The following RUNDC3B variants were observed in gnomAD, a reference collection of about 807,000 sequenced individuals.
The protein encoded by RUNDC3B is RUN domain containing 3B.
RUNDC3B carries 33 observed loss-of-function variants against 58.4 expected under a neutral mutation model. The observed-to-expected ratio is 0.56, with a 90% CI of 0.43 to 0.75. The LOEUF is 0.75. RUNDC3B is among the 30% of genes least tolerant of loss of function. The pLI is 0.00. For synonymous variants in RUNDC3B, 193 were observed against 195.2 expected (o/e 0.99, Z 0.10); for missense variants, 501 against 535.7 (o/e 0.94, Z 0.64).
rs542605231 is a variant in RUNDC3B, at chr7:87,679,453, A to G, written c.239-20968A>G. ...ACCCAGGTTGGAGTGCAATGGCACA[A>G]TCATGGCTCACCACAGCCTCCACAT... On this transcript the variant is annotated intron_variant, in intron 2 of 10. Coordinates refer to ENST00000394654, the MANE Select transcript of RUNDC3B (RefSeq NM_001134405.2). 2.0e-5 allele frequency among the ~76,000 whole-genome samples: 3 copies of G among 149,850 alleles called. 1 individual carries two copies. The highest frequency in any genetic ancestry group is 7.5e-5 in the African/African-American group (3 of 40,256).
intron 8 of RUNDC3B, among the ~76,000 whole-genome samples, chr7:87,802,671 CATAAAT>C (rs768556704): frequency 5.3e-5 from 8 of 152,164 alleles, no homozygotes; most frequent in Non-Finnish European, 2.9e-5. Flanking sequence ...TCATGTAACT[CATAAAT>C]ATACACACCT....
chr7:87,734,927 A>G (rs964977391), intron 4 of RUNDC3B, among the ~76,000 whole-genome samples: 1 of 152,078 alleles, frequency 6.6e-6, no homozygotes, highest in African/African-American at 2.4e-5. Flanking sequence ...TCCACTTAAC[A>G]TCTGACTGTT....
chr7:87,698,894 T>C (rs1024206691), intron 2 of RUNDC3B, among the ~76,000 whole-genome samples: 5 of 152,198 alleles, frequency 3.3e-5, no homozygotes, highest in African/African-American at 1.2e-4. Flanking sequence ...GAATAATGAA[T>C]AGAAGTTACC....
At chr7:87,745,563 T>G (rs1239700891) in intron 6 of RUNDC3B, among the ~76,000 whole-genome samples, 1 of 152,194 alleles carries the variant, frequency 6.6e-6, no homozygotes, top group Non-Finnish European at 1.5e-5. Context: ...TTCCATGAAT[T>G]TATCCATCTC....
intron 4 of RUNDC3B, among the ~76,000 whole-genome samples, chr7:87,712,938 T>C (rs749510009): frequency 1.3e-5 from 2 of 152,100 alleles, no homozygotes; most frequent in Non-Finnish European, 2.9e-5. Context: ...AGGAAGTAAG[T>C]AGGGAGTTAT....
chr7:87,757,969 A>G (rs769092838), intron 6 of RUNDC3B, among the ~76,000 whole-genome samples: 1 of 152,200 alleles, frequency 6.6e-6, no homozygotes, highest in Non-Finnish European at 1.5e-5. Flanking sequence ...GGATGAAAGT[A>G]GACCTCAATC....
At position 87,705,245 on chromosome 7, in the gene RUNDC3B, C is replaced by A. The variant is rs181010336; in HGVS notation, c.372+4691C>A. 4.6e-5 allele frequency among the ~76,000 whole-genome samples: 7 copies of A among 152,176 alleles called. No homozygotes were observed. The East Asian group carries it at 9.7e-4, about 21-fold the overall frequency. On this transcript the variant is annotated intron_variant, in intron 3 of 10. Coordinates refer to ENST00000394654, the MANE Select transcript of RUNDC3B (RefSeq NM_001134405.2). The stretch of plus-strand genomic sequence containing the variant: ...TTCCAGACTAGCCTGGCTAACATGG[C>A]AAAACCCTGTCTCTACTTAAAATAT...
intron 6 of RUNDC3B, among the ~76,000 whole-genome samples, chr7:87,770,212 C>T (rs1244503206): frequency 1.3e-5 from 2 of 152,090 alleles, no homozygotes; most frequent in African/African-American, 4.8e-5. Flanking sequence ...GGCAGCAATC[C>T]ACCTCGGGCA....
intron 9 of RUNDC3B, among the ~76,000 whole-genome samples, chr7:87,808,856 G>A (rs185582740): frequency 6.6e-6 from 1 of 151,704 alleles, no homozygotes; most frequent in East Asian, 1.9e-4. Flanking sequence ...GCAATACTTG[G>A]TACACTTACC....
chr7:87,770,573 C>A lies in RUNDC3B; in HGVS notation c.630-8C>A, dbSNP rs759782485. On this transcript the variant is annotated splice_region_variant and splice_polypyrimidine_tract_variant and intron_variant, in intron 6 of 10. Coordinates refer to ENST00000394654, the MANE Select transcript of RUNDC3B (RefSeq NM_001134405.2). ...TTTAACTTTTTTTTAAAATTTTGAT[C>A]TTCCCAGTTCTGATAGTATCAGCAG... 1.3e-6 allele frequency: 2 copies of A among 1,598,600 alleles called. No homozygotes were observed. Among genetic ancestry groups the A allele is most frequent in the South Asian group, 2.3e-5 (2 of 87,724 alleles).
chr7:87,709,182 A>G (rs1829856366), intron 3 of RUNDC3B: 1 of 896,672 alleles, frequency 1.1e-6, no homozygotes, highest in Non-Finnish European at 1.3e-6. Context: ...TTTTGTATGG[A>G]TTGAAATTAA....
At chr7:87,816,869 C>T (rs1003364434) in intron 10 of RUNDC3B, among the ~76,000 whole-genome samples, 4 of 152,164 alleles carry the variant, frequency 2.6e-5, no homozygotes, top group Non-Finnish European at 5.9e-5. Context: ...TAAGACTCAA[C>T]CTATTGGTTT....
intron 3 of RUNDC3B, among the ~76,000 whole-genome samples, chr7:87,701,045 A>G (rs1462047487): frequency 1.3e-5 from 2 of 152,226 alleles, no homozygotes; most frequent in Non-Finnish European, 2.9e-5. Context: ...CTCAACTTTG[A>G]GGATCTGTCT....
intron 8 of RUNDC3B, among the ~76,000 whole-genome samples, chr7:87,792,699 C>T (rs1206100527): frequency 6.6e-6 from 1 of 152,028 alleles, no homozygotes; most frequent in African/African-American, 2.4e-5. Flanking sequence ...CTATGGGATA[C>T]ACTGAAAGCA....
At chr7:87,813,154 A>C (rs574512185) in intron 9 of RUNDC3B, among the ~76,000 whole-genome samples, 1 of 152,222 alleles carries the variant, frequency 6.6e-6, no homozygotes, top group African/African-American at 2.4e-5. Flanking sequence ...ACCAAATTCT[A>C]TTTCCATATT....
intron 6 of RUNDC3B, among the ~76,000 whole-genome samples, chr7:87,742,237 G>T (rs1832366701): frequency 6.6e-6 from 1 of 151,990 alleles, no homozygotes; most frequent in African/African-American, 2.4e-5. Context: ...AATTATTGGG[G>T]TTCAGGTGGT....
chr7:87,720,540 ATATGTG>A (rs940875005), intron 4 of RUNDC3B, among the ~76,000 whole-genome samples: 30 of 100,854 alleles, frequency 3.0e-4, no homozygotes, highest in African/African-American at 8.7e-4. Flanking sequence ...AAGATAGGAT[ATATGTG>A]TGTGTGTGTG....
intron 8 of RUNDC3B, among the ~76,000 whole-genome samples, chr7:87,793,312 G>A (rs773676928): frequency 6.6e-6 from 1 of 152,022 alleles, no homozygotes; most frequent in Non-Finnish European, 1.5e-5. Flanking sequence ...AAAATATAGA[G>A]GAGGAATGAA....
chr7:87,807,613 CTTATTA>C, intron 9 of RUNDC3B, 94 bp downstream of exon 9: 1 of 885,722 alleles, frequency 1.1e-6, no homozygotes, highest in Non-Finnish European at 1.8e-6. Context: ...TCTTTCTGAA[CTTATTA>C]TTATCTTAGA....
Sources: gnomAD v4.1 joint callset for allele counts (sites outside exome capture counted in the v4.1 genomes callset) on GRCh38, gnomAD v4.1.1 for gene constraint, MANE v1.5 for transcripts, NCBI Gene and HGNC (gene_info 2026-07-23, HGNC 2026-07-21) for gene names.